Variants in MTPN observed in about 807,000 individuals in gnomAD.
The protein encoded by MTPN is myotrophin, also known as granule cell differentiation protein.
MTPN carries 2 observed loss-of-function variants against 13.5 expected under a neutral mutation model. The ratio of observed to expected loss-of-function variants is 0.15; its 90% CI spans 0.06 to 0.47. The LOEUF (loss-of-function observed/expected upper bound fraction) is 0.47. Ranked by LOEUF, MTPN falls within the 20% of genes least tolerant of loss-of-function variation. The pLI, the probability that MTPN is intolerant of heterozygous loss-of-function variation, is 0.97. For missense variants in MTPN, 79 were observed against 137.9 expected, an observed-to-expected ratio of 0.57 and a Z score of 2.14; for synonymous variants, 46 against 51.7, an observed-to-expected ratio of 0.89 and a Z score of 0.48.
intron 1 of MTPN, among the ~76,000 whole-genome samples, chr7:135,972,223 A>ACGCG (rs71531882): frequency 3.9e-4 from 51 of 131,876 alleles, no homozygotes; most frequent in African/African-American, 1.2e-3. Context: ...GCACACGCGC[A>ACGCG]CGCGCGCGCA....
chr7:135,974,959 C>G (rs1163654872), intron 1 of MTPN, among the ~76,000 whole-genome samples: 1 of 152,156 alleles, frequency 6.6e-6, no homozygotes, highest in Non-Finnish European at 1.5e-5. Flanking sequence ...ATCTTCAAAA[C>G]TAAGAAAGGA....
intron 1 of MTPN, among the ~76,000 whole-genome samples, chr7:135,963,569 G>A (rs1799557761): frequency 6.6e-6 from 1 of 152,046 alleles, no homozygotes; most frequent in Non-Finnish European, 1.5e-5. Flanking sequence ...AAGAAGGTCT[G>A]TAAGGACGAA....
At chr7:135,955,381 G>A (rs577874399) in intron 1 of MTPN, among the ~76,000 whole-genome samples, 10 of 152,228 alleles carry the variant, frequency 6.6e-5, no homozygotes, top group Non-Finnish European at 1.2e-4. Context: ...TAAGCCTCTA[G>A]CAAACGTCAT....
intron 1 of MTPN, among the ~76,000 whole-genome samples, chr7:135,971,960 G>A (rs75805054): frequency 0.058 from 8,893 of 152,200 alleles, 308 homozygotes; most frequent in East Asian, 0.094. Flanking sequence ...TTATGGACAC[G>A]TCTTGAGTAA....
Position 135,927,143 on chromosome 7 carries a change from A to G in MTPN, c.*2783T>C, listed in dbSNP as rs1340974071. ...CAGCTCAACTGAAATATTAGAAAAAAAAATCAAACAGATACATACAGATTT... is the reference window on the plus strand; with the variant it reads ...CAGCTCAACTGAAATATTAGAAAAAGAAATCAAACAGATACATACAGATTT... On this transcript the variant is annotated 3_prime_UTR_variant, in exon 4 of 4. Transcript: ENST00000393085. The G allele has an allele frequency of 8.0e-6, 5 of 623,918 alleles. No homozygotes were observed. The highest frequency in any genetic ancestry group is 3.9e-5 in the Admixed American group (1 of 25,936). The allele number at this position is 623,918 out of a possible 1,614,324, so 38.6% of individuals were successfully genotyped here.
intron 1 of MTPN, among the ~76,000 whole-genome samples, chr7:135,971,405 A>G (rs1018795178): frequency 6.6e-6 from 1 of 152,332 alleles, no homozygotes; most frequent in African/African-American, 2.4e-5. Context: ...GTCTCAATGG[A>G]TAATTACCAT....
rs908913342 is a variant in MTPN at position 135,928,305 on chromosome 7, C to G, written c.*1621G>C. The G allele has an allele frequency of 1.8e-5, 3 of 165,706 alleles. No homozygotes were observed. The highest frequency in any genetic ancestry group is 7.5e-5 in the African/African-American group (3 of 40,128). 10.3% of individuals were successfully genotyped at this position (165,706 alleles called of 1,614,324 possible). On this transcript the variant is annotated 3_prime_UTR_variant, in exon 4 of 4. Transcript: ENST00000393085. Reference sequence around the variant, plus strand: ...TCATGGGGAAAAATACACACACACACCCACACACACCTATACACCCACACA... The same window carrying G: ...TCATGGGGAAAAATACACACACACAGCCACACACACCTATACACCCACACA...
At chr7:135,961,024 T>C (rs1799513857) in intron 1 of MTPN, among the ~76,000 whole-genome samples, 1 of 151,964 alleles carries the variant, frequency 6.6e-6, no homozygotes, top group East Asian at 1.9e-4. Context: ...AAAACTGCAA[T>C]TGCAAAATTA....
intron 3 of MTPN, among the ~76,000 whole-genome samples, chr7:135,938,344 C>T (rs892635430): frequency 2.0e-5 from 3 of 152,194 alleles, no homozygotes; most frequent in African/African-American, 7.2e-5. Flanking sequence ...TCTTTAGCAA[C>T]CATGGTTTTG....
At position 135,927,688 on chromosome 7, in the gene MTPN, T is replaced by C. The variant is rs1798943942; in HGVS notation, c.*2238A>G. 1.8e-6 allele frequency: 1 copy of C among 559,652 alleles called. No homozygotes were observed. The highest frequency in any genetic ancestry group is 1.9e-5 in the African/African-American group (1 of 53,402). 34.7% of individuals were successfully genotyped at this position (559,652 alleles called of 1,614,324 possible). A position where few individuals can be genotyped will look rare whatever the true frequency, so the allele number is the denominator to read the frequency against. Reference sequence around the variant, plus strand: ...ACTGTGAACCATCTTGGTCAGTCTATTCTATTCTATGTTTATATGTTATTT... The same window carrying C: ...ACTGTGAACCATCTTGGTCAGTCTACTCTATTCTATGTTTATATGTTATTT... On this transcript the variant is annotated 3_prime_UTR_variant, in exon 4 of 4. Transcript: ENST00000393085.
chr7:135,935,059 T>C (rs182534446), intron 3 of MTPN, among the ~76,000 whole-genome samples: 59 of 152,280 alleles, frequency 3.9e-4, no homozygotes, highest in Admixed American at 4.6e-4. Context: ...TTGCTCCTTT[T>C]TCAATATTCT....
chr7:135,976,969 C>T, intron 1 of MTPN, 60 bp downstream of exon 1: 1 of 860,196 alleles, frequency 1.2e-6, no homozygotes, highest in Non-Finnish European at 1.8e-6. Context: ...CCATCAGCTT[C>T]CTCAGCCTCA....
At chr7:135,974,469 A>T (rs1286435091) in intron 1 of MTPN, among the ~76,000 whole-genome samples, 4 of 152,162 alleles carry the variant, frequency 2.6e-5, no homozygotes, top group Non-Finnish European at 5.9e-5. Context: ...TGATCACGAC[A>T]CTGCACTCTA....
chr7:135,945,721 A>T (rs868371153), intron 3 of MTPN, among the ~76,000 whole-genome samples: 4 of 152,158 alleles, frequency 2.6e-5, no homozygotes, highest in African/African-American at 9.7e-5. Flanking sequence ...TTTTTTAATA[A>T]GTAGAAGAAA....
At chr7:135,948,381 A>G (rs1248230524) in intron 3 of MTPN, among the ~76,000 whole-genome samples, 4 of 152,224 alleles carry the variant, frequency 2.6e-5, no homozygotes, top group Admixed American at 2.6e-4. Context: ...TGCTACCAAC[A>G]TAGCTATCTC....
intron 3 of MTPN, among the ~76,000 whole-genome samples, chr7:135,942,132 G>A (rs563832430): frequency 2.0e-5 from 3 of 151,808 alleles, no homozygotes; most frequent in Admixed American, 6.6e-5. Flanking sequence ...CAGGTGATCC[G>A]CCCGCCTCGG....
chr7:135,953,186 C>T (rs1799391177), intron 1 of MTPN, among the ~76,000 whole-genome samples: 1 of 152,184 alleles, frequency 6.6e-6, no homozygotes, highest in African/African-American at 2.4e-5. Context: ...ATAGGTCCTA[C>T]AAGCCTCAAT....
chr7:135,937,240 T>C (rs1799128736), intron 3 of MTPN, among the ~76,000 whole-genome samples: 1 of 152,182 alleles, frequency 6.6e-6, no homozygotes, highest in Non-Finnish European at 1.5e-5. Flanking sequence ...ATGCTGATTA[T>C]AGTTATACTG....
At chr7:135,955,296 G>A (rs535102327) in intron 1 of MTPN, among the ~76,000 whole-genome samples, 77 of 152,040 alleles carry the variant, frequency 5.1e-4, no homozygotes, top group Non-Finnish European at 9.0e-4. Context: ...TAAAGATCAG[G>A]GTAAAAATCA....
Sources: gnomAD v4.1 joint callset for allele counts (sites outside exome capture counted in the v4.1 genomes callset) on GRCh38, gnomAD v4.1.1 for gene constraint, MANE v1.5 for transcripts, NCBI Gene and HGNC (gene_info 2026-07-23, HGNC 2026-07-21) for gene names.